FAM170A: variants seen among roughly 807,000 people sequenced by gnomAD.
FAM170A encodes protein FAM170A.
A neutral mutation model predicts 36.6 loss-of-function variants in FAM170A; 28 were observed. That is an observed-to-expected ratio of 0.76 (90% CI 0.57 to 1.05). FAM170A has a LOEUF of 1.05. Among genes scored for constraint, FAM170A ranks in the 50% least tolerant of loss-of-function variants. FAM170A has a pLI of 0.00. For synonymous variants in FAM170A, 156 were observed against 143.9 expected, an observed-to-expected ratio of 1.08 and a Z score of -0.60; for missense variants, 434 against 396.5, an observed-to-expected ratio of 1.09 and a Z score of -0.80.
chr5:119,632,637 GT>G, intron 1 of FAM170A, 110 bp from the exon 2 acceptor site: 1 of 1,007,386 alleles, frequency 9.9e-7, no homozygotes, highest in Non-Finnish European at 1.4e-6. Flanking sequence ...AACCATGTGT[GT>G]TCACTACACC....
chr5:119,630,042 C>A (rs1424478280), intron 1 of FAM170A, among the ~76,000 whole-genome samples: 1 of 151,832 alleles, frequency 6.6e-6, no homozygotes, highest in Non-Finnish European at 1.5e-5. Flanking sequence ...CAGGTGCCCA[C>A]CACCACGCCC....
At chr5:119,635,480 A>G (rs1043106944) in intron 4 of FAM170A, among the ~76,000 whole-genome samples, 1 of 152,198 alleles carries the variant, frequency 6.6e-6, no homozygotes, top group Non-Finnish European at 1.5e-5. Context: ...CCTTGGGGAA[A>G]AGGGGAATTT....
intron 3 of FAM170A, 44 bp from the exon 4 acceptor site, chr5:119,634,984 G>A (rs199847744): frequency 1.3e-4 from 207 of 1,611,330 alleles, no homozygotes; most frequent in Non-Finnish European, 1.6e-4. Context: ...TTCAAAAGTC[G>A]CATTAACTAA....
chr5:119,633,852 G>A, intron 2 of FAM170A, 108 bp from the exon 3 acceptor site: 1 of 1,380,986 alleles, frequency 7.2e-7, no homozygotes, highest in Non-Finnish European at 9.9e-7. Context: ...CTACACAGCT[G>A]CATCTCACCA....
intron 1 of FAM170A, among the ~76,000 whole-genome samples, chr5:119,630,465 C>G (rs987097526): frequency 2.0e-5 from 3 of 152,176 alleles, no homozygotes; most frequent in African/African-American, 7.2e-5. Context: ...GCCATCGCTC[C>G]CGGCCAGCCT....
chr5:119,634,379 G>A, exon 3 of FAM170A: 1 of 1,614,188 alleles, frequency 6.2e-7, no homozygotes, highest in Non-Finnish European at 8.5e-7. Flanking sequence ...CACCGTTGAG[G>A]ACACACCCAG....
chr5:119,632,040 A>G (rs1019596694), intron 1 of FAM170A, among the ~76,000 whole-genome samples: 3 of 152,232 alleles, frequency 2.0e-5, no homozygotes, highest in Non-Finnish European at 4.4e-5. Flanking sequence ...AAGTATGACA[A>G]ATATTGCACG....
chr5:119,634,529 C>A, exon 3 of FAM170A: 1 of 1,613,600 alleles, frequency 6.2e-7, no homozygotes, highest in Non-Finnish European at 8.5e-7. Flanking sequence ...CCACGTCTTT[C>A]ATCTCACCAT....
At chr5:119,630,858 G>A (rs1756234934) in intron 1 of FAM170A, among the ~76,000 whole-genome samples, 1 of 152,232 alleles carries the variant, frequency 6.6e-6, no homozygotes, top group Non-Finnish European at 1.5e-5. Flanking sequence ...GCAGAAACGA[G>A]AGTAGCCCAA....
intron 1 of FAM170A, among the ~76,000 whole-genome samples, chr5:119,631,573 A>G (rs1411092194): frequency 1.3e-5 from 2 of 152,046 alleles, no homozygotes; most frequent in Non-Finnish European, 2.9e-5. Flanking sequence ...GGAGACAGTC[A>G]CTCATATGCC....
chr5:119,633,204 C>T (rs1015438747), intron 2 of FAM170A, among the ~76,000 whole-genome samples: 4 of 152,064 alleles, frequency 2.6e-5, no homozygotes, highest in African/African-American at 9.7e-5. Flanking sequence ...TGCAGGGCTC[C>T]TTGGGTAGGG....
chr5:119,633,860 CCA>C, intron 2 of FAM170A, 98 bp from the exon 3 acceptor site: 1 of 1,455,204 alleles, frequency 6.9e-7, no homozygotes, highest in East Asian at 2.3e-5. Context: ...CTGCATCTCA[CCA>C]CAGTCCCTGT....
exon 3 of FAM170A, chr5:119,634,103 G>A (rs1215362810): frequency 1.2e-6 from 2 of 1,614,048 alleles, no homozygotes. Flanking sequence ...CTCTCTGTGT[G>A]TAAACAAAGA....
chr5:119,629,679 G>T lies in FAM170A; in HGVS notation c.-90G>T. ...TTTACTCGTACTGAATCTTTTTAATGAATTTCCTGAGAGCCAAGAAGGGCC... is the reference window on the plus strand; with the variant it reads ...TTTACTCGTACTGAATCTTTTTAATTAATTTCCTGAGAGCCAAGAAGGGCC... On this transcript the variant is annotated 5_prime_UTR_variant, in exon 1 of 5. It removes an upstream start codon present in the reference 5' UTR. Transcript: ENST00000613773. 1 of 977,188 alleles carries T rather than the reference G, an allele frequency of 1.0e-6. No individual in the cohort carries two copies. The highest frequency in any genetic ancestry group is 1.6e-6 in the Non-Finnish European group (1 of 624,642). 60.5% of individuals were successfully genotyped at this position (977,188 alleles called of 1,614,324 possible). A position where few individuals can be genotyped will look rare whatever the true frequency, so the allele number is the denominator to read the frequency against.
chr5:119,633,039 G>A (rs1756289593), intron 2 of FAM170A, 151 bp downstream of exon 2: 1 of 788,878 alleles, frequency 1.3e-6, no homozygotes, highest in Non-Finnish European at 1.9e-6. Flanking sequence ...GGCTTTTTGG[G>A]TTTGGGGCTC....
chr5:119,632,870 C>A (rs201159156), exon 2 of FAM170A: 2 of 1,609,186 alleles, frequency 1.2e-6, no homozygotes, highest in South Asian at 2.2e-5. Context: ...TTCTTCTTCA[C>A]GCAAGCTCAT....
intron 2 of FAM170A, among the ~76,000 whole-genome samples, chr5:119,633,595 A>T (rs1479860187): frequency 6.6e-6 from 1 of 151,992 alleles, no homozygotes; most frequent in Non-Finnish European, 1.5e-5. Context: ...TTCTGCACAC[A>T]CACCACCCAA....
Position 119,629,930 on chromosome 5 carries a change from C to A in FAM170A, c.70+92C>A, listed in dbSNP as rs555945831. ...TTTTTGAGACGGAGTCTCGCTCTATCGCCCAGGCTGGAGTGCAGTGGCGCG... is the reference window on the plus strand; with the variant it reads ...TTTTTGAGACGGAGTCTCGCTCTATAGCCCAGGCTGGAGTGCAGTGGCGCG... On this transcript the variant is annotated intron_variant, in intron 1 of 4. Coordinates refer to ENST00000613773, the Ensembl canonical transcript of FAM170A. 4.1e-6 allele frequency: 4 copies of A among 964,744 alleles called. No homozygotes were observed. In the South Asian group the frequency reaches 5.5e-5, roughly 13 times the overall value. 59.8% of individuals were successfully genotyped at this position (964,744 alleles called of 1,614,324 possible).
chr5:119,632,883 A>T (rs1372490173), exon 2 of FAM170A: 1 of 1,605,010 alleles, frequency 6.2e-7, no homozygotes, highest in Admixed American at 1.7e-5. Context: ...AAGCTCATCC[A>T]CAGTGGTAAG....
Sources: gnomAD v4.1 joint callset for allele counts (sites outside exome capture counted in the v4.1 genomes callset) on GRCh38, gnomAD v4.1.1 for gene constraint, MANE v1.5 for transcripts, NCBI Gene and HGNC (gene_info 2026-07-23, HGNC 2026-07-21) for gene names.